The following TTC27 variants were observed in gnomAD, a reference collection of about 807,000 sequenced individuals.
TTC27 encodes the protein tetratricopeptide repeat protein 27.
TTC27 carries 79 observed loss-of-function variants against 115.9 expected under a neutral mutation model. The ratio of observed to expected loss-of-function variants is 0.68; its 90% CI spans 0.57 to 0.82. The LOEUF is 0.82. Among genes scored for constraint, TTC27 ranks in the 40% least tolerant of loss-of-function variants. The pLI is 0.00. For missense variants in TTC27, 1,054 were observed against 993.1 expected, an observed-to-expected ratio of 1.06 and a Z score of -0.82; for synonymous variants, 401 against 356.0, an observed-to-expected ratio of 1.13 and a Z score of -1.42.
chr2:32,779,092 C>A (rs372452491), intron 14 of TTC27, among the ~76,000 whole-genome samples: 92 of 152,198 alleles, frequency 6.0e-4, no homozygotes, highest in African/African-American at 2.2e-3. Context: ...GGCGTGATGA[C>A]GCATGCCGTG....
intron 10 of TTC27, among the ~76,000 whole-genome samples, chr2:32,716,373 TA>T (rs1667752529): frequency 6.6e-6 from 1 of 152,308 alleles, no homozygotes; most frequent in South Asian, 2.1e-4. Flanking sequence ...CTGCATATAA[TA>T]AAAAAATTAG....
intron 6 of TTC27, among the ~76,000 whole-genome samples, chr2:32,665,915 A>C (rs1427792996): frequency 6.6e-6 from 1 of 152,168 alleles, no homozygotes; most frequent in African/African-American, 2.4e-5. Context: ...AAATAAAATA[A>C]AAAAGTAAGC....
At chr2:32,645,623 T>A (rs751683418) in intron 4 of TTC27, among the ~76,000 whole-genome samples, 1 of 152,200 alleles carries the variant, frequency 6.6e-6, no homozygotes, top group Non-Finnish European at 1.5e-5. Flanking sequence ...TATGTATACA[T>A]GTGCCATGTT....
chr2:32,779,374 A>G (rs1380063660), intron 14 of TTC27, among the ~76,000 whole-genome samples: 4 of 151,438 alleles, frequency 2.6e-5, no homozygotes, highest in South Asian at 2.1e-4. Context: ...TTGTGGTTCA[A>G]TTTGCATGTT....
chr2:32,648,805 G>A (rs1427500319), intron 4 of TTC27, among the ~76,000 whole-genome samples: 2 of 152,046 alleles, frequency 1.3e-5, no homozygotes, highest in African/African-American at 4.8e-5. Flanking sequence ...GAGCCCAGGA[G>A]TTGGAGACCA....
chr2:32,808,391 G>C (rs1211489524), intron 16 of TTC27, among the ~76,000 whole-genome samples: 1 of 152,158 alleles, frequency 6.6e-6, no homozygotes, highest in Non-Finnish European at 1.5e-5. Flanking sequence ...TCCAGGCCCA[G>C]CTATTTCACT....
At chr2:32,656,695 C>T (rs1665333545) in intron 5 of TTC27, among the ~76,000 whole-genome samples, 1 of 152,192 alleles carries the variant, frequency 6.6e-6, no homozygotes, top group African/African-American at 2.4e-5. Context: ...CACACATGGA[C>T]CCCTCCTTGG....
At position 32,692,036 on chromosome 2, in the gene TTC27, GTTTTTTTTTTTTTTT is replaced by G. The variant is rs779547700; in HGVS notation, c.1120-10759_1120-10745del. 1.4e-3 allele frequency among the ~76,000 whole-genome samples: 88 copies of G among 61,212 alleles called. 1 individual carries two copies. Among genetic ancestry groups the G allele is most frequent in the Middle Eastern group, 0.019 (1 of 54 alleles). The allele number at this position is 61,212 out of a possible 152,430, so 40.2% of individuals were successfully genotyped here. On this transcript the variant is annotated intron_variant, in intron 9 of 19. Coordinates refer to ENST00000317907, the MANE Select transcript of TTC27 (RefSeq NM_017735.5). ...GGGATATTCTTTTTTAATTTTTTAG[GTTTTTTTTTTTTTTT>G]TTTTTTTTTTTGTAGAGACAGGTCT... is the stretch of plus-strand genomic sequence containing the variant.
rs73922795 is a variant in TTC27 at position 32,737,614 on chromosome 2, A to C, written c.1452+798A>C. 2.2e-3 allele frequency among the ~76,000 whole-genome samples: 328 copies of C among 152,230 alleles called. 2 individuals are homozygous for C. The highest frequency in any genetic ancestry group is 7.5e-3 in the African/African-American group (313 of 41,544). On this transcript the variant is annotated intron_variant, in intron 12 of 19. Transcript: ENST00000317907. The stretch of plus-strand genomic sequence containing the variant: ...TATGTCTATTTTAGATTAATAGTGA[A>C]AGTTGCATTTCTTTCACTAATCAGT...
At chr2:32,670,323 G>A (rs955482308) in intron 7 of TTC27, among the ~76,000 whole-genome samples, 9 of 151,996 alleles carry the variant, frequency 5.9e-5, no homozygotes, top group African/African-American at 1.7e-4. Flanking sequence ...ACAATTAGAC[G>A]CGTGTCACCA....
chr2:32,653,112 C>T (rs1456128106), intron 5 of TTC27, among the ~76,000 whole-genome samples: 2 of 152,148 alleles, frequency 1.3e-5, no homozygotes, highest in African/African-American at 2.4e-5. Context: ...AACAATTGAT[C>T]ATGGCATCCA....
chr2:32,778,087 G>A lies in TTC27; in HGVS notation c.1779+107G>A, dbSNP rs1417615145. On this transcript the variant is annotated intron_variant, in intron 14 of 19. Transcript: ENST00000317907. ...AATTCCTTTTGTGTTGGAGGAAAGT[G>A]TACATTTGAGGGAAGGTCGTACCTC... is the stretch of plus-strand genomic sequence containing the variant. The A allele has an allele frequency of 3.9e-6, 4 of 1,015,882 alleles. No homozygotes were observed. The Admixed American group carries it at 7.0e-5, about 18-fold the overall frequency. 62.9% of individuals were successfully genotyped at this position (1,015,882 alleles called of 1,614,324 possible).
rs1166430857 is a variant in TTC27, at chr2:32,816,419, A to T, written c.2309-1038A>T. 5.3e-5 allele frequency among the ~76,000 whole-genome samples: 8 copies of T among 152,216 alleles called. No individual in the cohort carries two copies. The South Asian group carries it at 1.0e-3, about 20-fold the overall frequency. ...TAGTGTCATTTTAAAGGAGTATCTG[A>T]TTATTGGTCTGTTTGAATTTAGTGA... is the stretch of plus-strand genomic sequence containing the variant. On this transcript the variant is annotated intron_variant, in intron 18 of 19. Transcript: ENST00000317907.
chr2:32,785,786 G>A (rs1049810137), intron 15 of TTC27, among the ~76,000 whole-genome samples: 2 of 152,198 alleles, frequency 1.3e-5, no homozygotes, highest in African/African-American at 4.8e-5. Flanking sequence ...AGTAGAGACA[G>A]GGTTTCATCA....
intron 14 of TTC27, among the ~76,000 whole-genome samples, chr2:32,781,262 A>T (rs1048142334): frequency 1.6e-4 from 25 of 152,220 alleles, no homozygotes; most frequent in African/African-American, 6.0e-4. Flanking sequence ...ACATTCTCTC[A>T]TTATGTTCAT....
chr2:32,733,075 A>G (rs1290245114), intron 10 of TTC27, among the ~76,000 whole-genome samples: 2 of 152,216 alleles, frequency 1.3e-5, no homozygotes, highest in South Asian at 2.1e-4. Context: ...ATTCGCTTTG[A>G]TGCTGAATAC....
chr2:32,796,908 C>G (rs968509105), intron 16 of TTC27, among the ~76,000 whole-genome samples: 26 of 151,640 alleles, frequency 1.7e-4, no homozygotes, highest in African/African-American at 5.8e-4. Flanking sequence ...CACGGTGGCT[C>G]ATGCCTGTAA....
chr2:32,811,169 A>T lies in TTC27; in HGVS notation c.2144A>T (p.Tyr715Phe). 6.2e-7 allele frequency: 1 copy of T among 1,614,200 alleles called. No individual in the cohort carries two copies. The highest frequency in any genetic ancestry group is 8.5e-7 in the Non-Finnish European group (1 of 1,180,020). ...VTNDGEIWRL[Y>F]AHVYGNGQSE... ...AATGATGGAGAAATCTGGAGGCTGT[A>T]TGCCCACGTATATGGAAATGGGCAG... Residue 715 changes from tyrosine (Y) to phenylalanine (F), a missense_variant, in exon 17 of 20, where the codon TAT (tyrosine) becomes TTT (phenylalanine). Transcript: ENST00000317907.
intron 5 of TTC27, among the ~76,000 whole-genome samples, chr2:32,659,595 G>C (rs1414868807): frequency 6.8e-6 from 1 of 146,838 alleles, no homozygotes; most frequent in African/African-American, 2.4e-5. Flanking sequence ...GTGCAGGTTT[G>C]TTAAGTAGGT....
Sources: gnomAD v4.1 joint callset for allele counts (sites outside exome capture counted in the v4.1 genomes callset) on GRCh38, gnomAD v4.1.1 for gene constraint, MANE v1.5 for transcripts, NCBI Gene and HGNC (gene_info 2026-07-23, HGNC 2026-07-21) for gene names.